The following LARGE1 variants were observed in gnomAD, a reference collection of about 807,000 sequenced individuals.
LARGE1 encodes LARGE xylosyl- and glucuronyltransferase 1, also known as xylosyl- and glucuronyltransferase LARGE1.
In LARGE1, 43 loss-of-function variants were observed where a neutral mutation model predicts 87.6. That is an observed-to-expected ratio of 0.49 (90% CI 0.38 to 0.63). LARGE1 has a LOEUF of 0.63. Ranked by LOEUF, LARGE1 falls within the 30% of genes least tolerant of loss-of-function variation. The probability of loss-of-function intolerance (pLI) is 0.00; values close to 1 mark genes in which losing one functional copy is unlikely to be tolerated. For synonymous variants in LARGE1, 434 were observed against 394.6 expected (o/e 1.10, Z -1.18); for missense variants, 802 against 1,000.2 (o/e 0.80, Z 2.67).
chr22:33,399,465 T>C (rs557225392), intron 7 of LARGE1, among the ~76,000 whole-genome samples: 120 of 152,346 alleles, frequency 7.9e-4, no homozygotes, highest in African/African-American at 2.8e-3. Flanking sequence ...TGTGTCTTTA[T>C]AGTAGAATGA....
chr22:33,900,862 C>T (rs2146895673), intron 1 of LARGE1, among the ~76,000 whole-genome samples: 1 of 152,300 alleles, frequency 6.6e-6, no homozygotes, highest in African/African-American at 2.4e-5. Flanking sequence ...GCTTGCCCAA[C>T]ATGGCGAAAC....
chr22:33,460,834 C>A (rs951926642), intron 6 of LARGE1, among the ~76,000 whole-genome samples: 1 of 152,186 alleles, frequency 6.6e-6, no homozygotes, highest in Non-Finnish European at 1.5e-5. Context: ...ATTTGCCTGT[C>A]TTAGCCTTGG....
intron 7 of LARGE1, among the ~76,000 whole-genome samples, chr22:33,426,088 G>A (rs1248040439): frequency 6.6e-6 from 1 of 152,060 alleles, no homozygotes; most frequent in Non-Finnish European, 1.5e-5. Context: ...CCCTTGCAGT[G>A]ACCTCTGGAA....
At chr22:33,458,356 G>A (rs977724362) in intron 6 of LARGE1, among the ~76,000 whole-genome samples, 3 of 151,996 alleles carry the variant, frequency 2.0e-5, no homozygotes, top group Non-Finnish European at 4.4e-5. Flanking sequence ...CGCCCGCCTT[G>A]GCCTCCCAAA....
intron 11 of LARGE1, among the ~76,000 whole-genome samples, chr22:33,170,852 C>T (rs1414762196): frequency 1.3e-5 from 2 of 152,120 alleles, no homozygotes; most frequent in Admixed American, 6.6e-5. Flanking sequence ...AATGTGGAAG[C>T]AACTTTGGAA....
chr22:33,780,141 C>T (rs921830810), intron 1 of LARGE1, among the ~76,000 whole-genome samples: 3 of 152,172 alleles, frequency 2.0e-5, no homozygotes, highest in Admixed American at 6.6e-5. Context: ...CCTGTGTGCA[C>T]GTCTGTGTCC....
chr22:33,411,676 T>A (rs2147449665), intron 7 of LARGE1, among the ~76,000 whole-genome samples: 1 of 152,204 alleles, frequency 6.6e-6, no homozygotes, highest in Non-Finnish European at 1.5e-5. Context: ...CAAACATGGG[T>A]AATGAGAATA....
the LARGE1 span, among the ~76,000 whole-genome samples, chr22:33,068,824 G>A: frequency 2.6e-5 from 4 of 152,062 alleles, no homozygotes; most frequent in African/African-American, 4.8e-5. Context: ...CTCAGGAGGT[G>A]AACAAACCAA....
chr22:33,406,034 T>G (rs2267200), intron 7 of LARGE1, among the ~76,000 whole-genome samples: 66,573 of 152,070 alleles, frequency 0.44, 18,122 homozygotes, highest in African/African-American at 0.78. Flanking sequence ...GTAGTATAGA[T>G]TCAATCCAAA....
chr22:33,451,839 G>A (rs1446017784), intron 6 of LARGE1, among the ~76,000 whole-genome samples: 1 of 151,892 alleles, frequency 6.6e-6, no homozygotes, highest in East Asian at 1.9e-4. Flanking sequence ...TTACAGGCGT[G>A]AGCCACCGCC....
chr22:33,079,898 G>A, the LARGE1 span, among the ~76,000 whole-genome samples: 3 of 152,210 alleles, frequency 2.0e-5, no homozygotes, highest in Admixed American at 6.5e-5. Context: ...TCTTTTCTCC[G>A]ACAATGGCAT....
At chr22:33,903,146 G>A (rs1337646305) in intron 1 of LARGE1, among the ~76,000 whole-genome samples, 1 of 152,084 alleles carries the variant, frequency 6.6e-6, no homozygotes, top group Non-Finnish European at 1.5e-5. Flanking sequence ...AAATAAAAAG[G>A]TAATTAAGTT....
chr22:33,378,275 T>C (rs1032577455), intron 9 of LARGE1, among the ~76,000 whole-genome samples: 12 of 152,220 alleles, frequency 7.9e-5, no homozygotes, highest in African/African-American at 2.9e-4. Context: ...CAAAATAATA[T>C]GGGCATAGGC....
chr22:33,303,174 C>G (rs1242809759), intron 12 of LARGE1, among the ~76,000 whole-genome samples: 1 of 152,216 alleles, frequency 6.6e-6, no homozygotes, highest in Non-Finnish European at 1.5e-5. Context: ...ACACAGCCAT[C>G]TAAGCCTTCC....
Position 33,630,841 on chromosome 22 carries a change from A to AT in LARGE1, c.409-4516dup, listed in dbSNP as rs986815555. On this transcript the variant is annotated intron_variant, in intron 3 of 14. Coordinates refer to ENST00000397394, the MANE Select transcript of LARGE1 (RefSeq NM_133642.5). ...AACTTTTTTACTTTACAAATTTAAAATTTTTTTTAACTATCTCTTTTTTTT... is the reference window on the plus strand; with the variant it reads ...AACTTTTTTACTTTACAAATTTAAAATTTTTTTTTAACTATCTCTTTTTTTT... Among the ~76,000 whole-genome samples the AT allele has an allele frequency of 4.6e-5, 7 of 150,654 alleles. No homozygotes were observed. In the South Asian group the frequency reaches 6.2e-4, roughly 13 times the overall value.
chr22:33,813,077 G>A (rs564703093), intron 1 of LARGE1, among the ~76,000 whole-genome samples: 6 of 152,046 alleles, frequency 3.9e-5, no homozygotes, highest in East Asian at 3.9e-4. Context: ...ACTCTAGGCC[G>A]GGCGCAGTGG....
intron 6 of LARGE1, among the ~76,000 whole-genome samples, chr22:33,552,109 T>A (rs554454619): frequency 6.6e-6 from 1 of 152,110 alleles, no homozygotes; most frequent in Non-Finnish European, 1.5e-5. Context: ...GTCAGTCATA[T>A]GAATTTCTAA....
At chr22:33,514,916 A>G (rs1448638222) in intron 6 of LARGE1, among the ~76,000 whole-genome samples, 1 of 152,160 alleles carries the variant, frequency 6.6e-6, no homozygotes, top group Non-Finnish European at 1.5e-5. Context: ...AATAACATGA[A>G]CACACAGCAC....
At chr22:33,312,777 T>C (rs942723605) in intron 11 of LARGE1, among the ~76,000 whole-genome samples, 1 of 152,220 alleles carries the variant, frequency 6.6e-6, no homozygotes, top group African/African-American at 2.4e-5. Context: ...AGGGGACAGA[T>C]GCAGTTGAAA....
Sources: allele counts gnomAD v4.1 joint callset (sites outside exome capture counted in the v4.1 genomes callset), GRCh38; gene constraint gnomAD v4.1.1; transcripts MANE v1.5; gene names NCBI Gene and HGNC (gene_info 2026-07-23, HGNC 2026-07-21).